KIFBP: variants seen among roughly 807,000 people sequenced by gnomAD.
The protein encoded by KIFBP is KIF-binding protein.
A neutral mutation model predicts 58.9 loss-of-function variants in KIFBP; 46 were observed. The observed-to-expected ratio is 0.78, with a 90% CI of 0.62 to 1.00. The LOEUF is 1.00. Ranked by LOEUF, KIFBP falls within the 50% of genes least tolerant of loss-of-function variation. The pLI is 0.00. For missense variants in KIFBP, 651 were observed against 752.9 expected, an observed-to-expected ratio of 0.86 and a Z score of 1.58; for synonymous variants, 241 against 283.4, an observed-to-expected ratio of 0.85 and a Z score of 1.50.
At chr10:68,999,336 G>A (rs534751592) in intron 1 of KIFBP, among the ~76,000 whole-genome samples, 3 of 151,844 alleles carry the variant, frequency 2.0e-5, no homozygotes, top group East Asian at 3.9e-4. Flanking sequence ...CGCCTCAAGT[G>A]ATCTGCCTGC....
chr10:68,996,296 G>A (rs992637201), intron 1 of KIFBP, among the ~76,000 whole-genome samples: 1 of 151,970 alleles, frequency 6.6e-6, no homozygotes, highest in African/African-American at 2.4e-5. Context: ...TGTGGTGGCT[G>A]ACGCCTGTAA....
chr10:69,012,172 T>C (rs1185476436), intron 6 of KIFBP, among the ~76,000 whole-genome samples: 1 of 152,238 alleles, frequency 6.6e-6, no homozygotes, highest in Non-Finnish European at 1.5e-5. Context: ...ACTCCAGCTC[T>C]GCCGCTTCGT....
intron 4 of KIFBP, among the ~76,000 whole-genome samples, chr10:69,008,488 A>G (rs535221586): frequency 6.7e-6 from 1 of 148,440 alleles, no homozygotes; most frequent in African/African-American, 2.5e-5. Context: ...ACTTAGACTG[A>G]ACCTAAAGGA....
At chr10:69,014,298 A>AG (rs1843623657) in intron 6 of KIFBP, among the ~76,000 whole-genome samples, 1 of 152,222 alleles carries the variant, frequency 6.6e-6, no homozygotes. Flanking sequence ...AGAAGGCACA[A>AG]TAGGAGGAAA....
In KIFBP at chr10:69,015,546, C is replaced by A. The variant is rs374306964; in HGVS notation, c.996C>A (p.Asn332Lys). 5.0e-6 allele frequency: 8 copies of A among 1,613,288 alleles called. No homozygotes were observed. The highest frequency in any genetic ancestry group is 4.0e-5 in the African/African-American group (3 of 74,870). The change falls in exon 7 of 7, where the codon AAC becomes AAA. Residue 332 changes from asparagine (N) to lysine (K), a missense_variant. Physicochemically the swap from Asn to Lys is moderately conservative, Grantham distance 94. Coordinates refer to ENST00000361983, the MANE Select transcript of KIFBP (RefSeq NM_015634.4). ...TTTATTTTTTTTTCCTTCAGGACAA[C>A]ATAGGAGAGCTTGATCTTGATAAAC... ...MQNAQLSMQDNIGELDLDKQS... is the reference protein window; with the variant it reads ...MQNAQLSMQDKIGELDLDKQS...
chr10:69,003,035 C>T (rs1270416274), intron 2 of KIFBP, among the ~76,000 whole-genome samples: 1 of 137,174 alleles, frequency 7.3e-6, no homozygotes, highest in Non-Finnish European at 1.5e-5. Context: ...AAGCAAGAAC[C>T]CGTCTTTACA....
At chr10:69,012,513 A>AT (rs887977583) in intron 6 of KIFBP, among the ~76,000 whole-genome samples, 149 of 147,748 alleles carry the variant, frequency 1.0e-3, no homozygotes, top group African/African-American at 1.9e-3. Context: ...AAGTATGATA[A>AT]TTTTTTTTTT....
chr10:68,992,498 A>G (rs1843361004), intron 1 of KIFBP, among the ~76,000 whole-genome samples: 1 of 152,212 alleles, frequency 6.6e-6, no homozygotes, highest in Admixed American at 6.5e-5. Flanking sequence ...AAGAAGAACA[A>G]TCTAATGTAA....
chr10:68,992,546 A>AT (rs1325463080), intron 1 of KIFBP, among the ~76,000 whole-genome samples: 1 of 152,158 alleles, frequency 6.6e-6, no homozygotes, highest in Non-Finnish European at 1.5e-5. Context: ...CAGATGAGGA[A>AT]TTTTTTTGTA....
chr10:68,991,058 C>G (rs1364250772), intron 1 of KIFBP: 3 of 152,048 alleles, frequency 2.0e-5, no homozygotes, highest in Admixed American at 6.6e-5. Context: ...ATCACTCGAG[C>G]TTAGGAGTTC....
At chr10:68,992,419 ATAAT>A (rs773968259) in intron 1 of KIFBP, among the ~76,000 whole-genome samples, 3 of 152,310 alleles carry the variant, frequency 2.0e-5, no homozygotes, top group East Asian at 3.9e-4. Context: ...GCATTTTATA[ATAAT>A]TAACCCCTTA....
intron 1 of KIFBP, among the ~76,000 whole-genome samples, chr10:68,993,254 C>T (rs1843369811): frequency 6.6e-6 from 1 of 152,132 alleles, no homozygotes; most frequent in Non-Finnish European, 1.5e-5. Context: ...TACTGACATC[C>T]ACTCATGTTC....
chr10:69,012,136 A>G (rs1843601413), intron 6 of KIFBP, among the ~76,000 whole-genome samples: 1 of 152,134 alleles, frequency 6.6e-6, no homozygotes, highest in African/African-American at 2.4e-5. Context: ...AAGAGCATGG[A>G]CTTGAAATAC....
rs1589299283 is a variant in KIFBP, at chr10:69,016,639, A to G, written c.*223A>G. On this transcript the variant is annotated 3_prime_UTR_variant, in exon 7 of 7. Transcript: ENST00000361983. ...GCCTTGTTAAAGACATGTGATTTGT[A>G]TTTTAGATGCTTGTTTCCTATTAAA... The G allele has an allele frequency of 5.0e-5, 26 of 521,850 alleles. No homozygotes were observed. In the South Asian group the frequency reaches 6.8e-4, roughly 14 times the overall value. The allele number at this position is 521,850 out of a possible 1,614,324, so 32.3% of individuals were successfully genotyped here.
chr10:68,994,237 T>A (rs1843380553), intron 1 of KIFBP, among the ~76,000 whole-genome samples: 1 of 151,214 alleles, frequency 6.6e-6, no homozygotes, highest in Admixed American at 6.6e-5. Context: ...AGACTAAGTA[T>A]ACACACACAC....
intron 1 of KIFBP, among the ~76,000 whole-genome samples, chr10:68,993,373 C>T (rs1349347147): frequency 6.6e-6 from 1 of 152,154 alleles, no homozygotes; most frequent in African/African-American, 2.4e-5. Flanking sequence ...GCTTGGTTCT[C>T]CCTTGTGGGT....
chr10:68,997,026 C>A (rs1007396017), intron 1 of KIFBP, among the ~76,000 whole-genome samples: 1 of 152,084 alleles, frequency 6.6e-6, no homozygotes, highest in African/African-American at 2.4e-5. Context: ...TTGATCATTC[C>A]ACTGGAACAT....
At position 69,015,656 on chromosome 10, in the gene KIFBP, A is replaced by T; in HGVS notation, c.1106A>T (p.Glu369Val). 1 of 1,614,202 alleles carries T rather than the reference A, an allele frequency of 6.2e-7. No individual in the cohort carries two copies. The highest frequency in any genetic ancestry group is 1.1e-5 in the South Asian group (1 of 91,082). The change falls in exon 7 of 7, where the codon GAA becomes GTA. Residue 369 changes from glutamate to valine, a missense_variant. Physicochemically the swap from Glu to Val is moderately radical, Grantham distance 121. Transcript: ENST00000361983. ...AAAGCTGTGCAGTTTGGAACCGGTG[A>T]ACTGTGTGATGCCATCTCTGCAGTA... is the stretch of plus-strand genomic sequence containing the variant. Reference protein sequence around the residue: ...RKKAVQFGTGELCDAISAVEE... With the variant: ...RKKAVQFGTGVLCDAISAVEE...
intron 6 of KIFBP, among the ~76,000 whole-genome samples, chr10:69,012,547 A>C (rs1466368317): frequency 6.6e-6 from 1 of 152,020 alleles, no homozygotes; most frequent in African/African-American, 2.4e-5. Flanking sequence ...TGCTTGATAA[A>C]AGTATAATAA....
Sources: gnomAD v4.1 joint callset for allele counts (sites outside exome capture counted in the v4.1 genomes callset) on GRCh38, gnomAD v4.1.1 for gene constraint, MANE v1.5 for transcripts, NCBI Gene and HGNC (gene_info 2026-07-23, HGNC 2026-07-21) for gene names.